Variants in MRGPRX4 observed in about 807,000 individuals in gnomAD.
The protein encoded by MRGPRX4 is mas-related G protein-coupled receptor member X4.
Under a neutral mutation model 17.8 loss-of-function variants are expected in MRGPRX4, and 13 were observed. That is an observed-to-expected ratio of 0.73 (90% CI 0.48 to 1.16). The LOEUF is 1.16. Among genes scored for constraint, MRGPRX4 ranks in the 50% most tolerant of loss-of-function variants. MRGPRX4 has a pLI of 0.00. For missense variants in MRGPRX4, 399 were observed against 405.0 expected (o/e 0.99, Z 0.13); for synonymous variants, 192 against 175.3 (o/e 1.10, Z -0.75).
At position 18,173,680 on chromosome 11, in the gene MRGPRX4, G is replaced by A. The variant is rs78287429; in HGVS notation, c.424G>A (p.Val142Met). 9,378 of 1,614,094 alleles carry A rather than the reference G, an allele frequency of 5.8e-3. 507 individuals carry two copies. In the African/African-American group the frequency reaches 0.11, roughly 19 times the overall value. ...CRRPTHLSAV[V>M]CVLLWGLSLL... ...CCGCCCCACACACCTGTCAGCGGTC[G>A]TGTGTGTCCTGCTCTGGGGCCTGTC... The change falls in exon 1 of 1, where the codon GTG becomes ATG. Residue 142 changes from valine (V) to methionine (M), a missense_variant. By Grantham distance (21) the Val-to-Met change is conservative. Transcript: ENST00000314254.
chr11:18,173,817 A>T lies in MRGPRX4; in HGVS notation c.561A>T (p.Leu187Phe), dbSNP rs746984141. Residue 187 changes from leucine to phenylalanine, a missense_variant, in exon 1 of 1, where the codon TTA becomes TTT. Physicochemically the swap from Leu to Phe is conservative, Grantham distance 22 (BLOSUM62 0). Coordinates refer to ENST00000314254, the MANE Select transcript of MRGPRX4 (RefSeq NM_054032.3). ...TCCCAGTCGCGTGGCTGATTTTTTTATGTGTGGTTCTCTGTGTTTCCAGCC... is the reference window on the plus strand; with the variant it reads ...TCCCAGTCGCGTGGCTGATTTTTTTTTGTGTGGTTCTCTGTGTTTCCAGCC... ...DFIPVAWLIFLCVVLCVSSLV... is the reference protein window; with the variant it reads ...DFIPVAWLIFFCVVLCVSSLV... 1.3e-5 allele frequency: 21 copies of T among 1,613,648 alleles called. No individual in the cohort carries two copies. In the African/African-American group the frequency reaches 2.8e-4, roughly 22 times the overall value.
chr11:18,173,426 G>C lies in MRGPRX4; in HGVS notation c.170G>C (p.Arg57Pro). 6.2e-7 allele frequency: 1 copy of C among 1,614,168 alleles called. No homozygotes were observed. Among genetic ancestry groups the C allele is most frequent in the Non-Finnish European group, 8.5e-7 (1 of 1,180,026 alleles). Residue 57 changes from arginine to proline, a missense_variant, in exon 1 of 1, where the codon CGC becomes CCC. Arg to Pro is a moderately radical substitution (Grantham distance 103). Coordinates refer to ENST00000314254, the MANE Select transcript of MRGPRX4 (RefSeq NM_054032.3). ...CTCTGGCTCCTGGGCTACCGCATGCGCAGGAACGCTGTCTCCATCTACATC... is the reference window on the plus strand; with the variant it reads ...CTCTGGCTCCTGGGCTACCGCATGCCCAGGAACGCTGTCTCCATCTACATC... ...VVLWLLGYRM[R>P]RNAVSIYILN... is the part of the protein sequence containing the mutation.
rs780943355 is a variant in MRGPRX4, at chr11:18,174,261, T to C, written c.*36T>C. 1 of 1,583,784 alleles carries C rather than the reference T, an allele frequency of 6.3e-7. No homozygotes were observed. The highest frequency in any genetic ancestry group is 1.8e-5 in the Admixed American group (1 of 55,332). On this transcript the variant is annotated 3_prime_UTR_variant, in exon 1 of 1. Transcript: ENST00000314254. ...CTGCCCTGTCAGTCAGACGGGACTT[T>C]GAGAGCAACACTGTCCTGCCACCCT...
At chr11:18,173,892 CA>C in the MRGPRX4 span, 1 of 1,614,144 alleles carries the variant, frequency 6.2e-7, no homozygotes, top group Non-Finnish European at 8.5e-7. Context: ...TGCCGCTGAC[CA>C]GGCTGTACGT....
rs370145178 is a variant in MRGPRX4 at position 18,173,834 on chromosome 11, T to G, written c.578T>G (p.Val193Gly). The change falls in exon 1 of 1, where the codon GTT becomes GGT. Residue 193 changes from valine (V) to glycine (G), a missense_variant. Transcript: ENST00000314254. ...WLIFLCVVLC[V>G]SSLVLLVRIL... ...ATTTTTTTATGTGTGGTTCTCTGTG[T>G]TTCCAGCCTGGTCCTGCTGGTCAGG... 8.1e-6 allele frequency: 13 copies of G among 1,614,192 alleles called. No homozygotes were observed. Among genetic ancestry groups the G allele is most frequent in the Middle Eastern group, 1.6e-4 (1 of 6,062 alleles).
chr11:18,173,437 G>A lies in MRGPRX4; in HGVS notation c.181G>A (p.Val61Ile). The A allele has an allele frequency of 6.2e-7, 1 of 1,614,208 alleles. No homozygotes were observed. The highest frequency in any genetic ancestry group is 2.2e-5 in the East Asian group (1 of 44,888). The change falls in exon 1 of 1, where the codon GTC becomes ATC. Residue 61 changes from valine (V) to isoleucine (I), a missense_variant. Transcript: ENST00000314254. ...LLGYRMRRNAVSIYILNLAAA... is the reference protein window; with the variant it reads ...LLGYRMRRNAISIYILNLAAA... ...GGGCTACCGCATGCGCAGGAACGCT[G>A]TCTCCATCTACATCCTCAACCTGGC...
In MRGPRX4 at chr11:18,174,201, G is replaced by A; in HGVS notation, c.945G>A (p.Leu315=). The change falls in exon 1 of 1, where the codon CTG becomes CTA. Residue 315 remains leucine (L), a synonymous_variant. Coordinates refer to ENST00000314254, the MANE Select transcript of MRGPRX4 (RefSeq NM_054032.3). The stretch of plus-strand genomic sequence containing the variant: ...AGCTTCCTGAGGAAAGCCTGGAGCT[G>A]TCGGGAAGCAGATTGGGGCCATGAG... ...EGQLPEESLE[L]SGSRLGP The A allele has an allele frequency of 4.3e-6, 7 of 1,613,448 alleles. 1 individual carries two copies. The South Asian group carries it at 5.5e-5, about 13-fold the overall frequency.
rs765394553 is a variant in MRGPRX4, at chr11:18,174,029, T to C, written c.773T>C (p.Met258Thr). 9.3e-6 allele frequency: 15 copies of C among 1,614,132 alleles called. No homozygotes were observed. Among genetic ancestry groups the C allele is most frequent in the African/African-American group, 2.7e-5 (2 of 74,930 alleles). Residue 258 changes from methionine to threonine, a missense_variant, in exon 1 of 1, where the codon ATG (methionine) becomes ACG (threonine). Physicochemically the swap from Met to Thr is moderately conservative, Grantham distance 81. Transcript: ENST00000314254. ...TATTGTCATGTTTATCTGGTTTGCATGTCCCTGTCCTCTCTAAACAGTAGT... is the reference window on the plus strand; with the variant it reads ...TATTGTCATGTTTATCTGGTTTGCACGTCCCTGTCCTCTCTAAACAGTAGT... ...VLYCHVYLVCMSLSSLNSSAN... is the reference protein window; with the variant it reads ...VLYCHVYLVCTSLSSLNSSAN...
At position 18,173,586 on chromosome 11, in the gene MRGPRX4, G is replaced by A. The variant is rs776677522; in HGVS notation, c.330G>A (p.Leu110=). The A allele has an allele frequency of 1.9e-5, 31 of 1,614,034 alleles. No homozygotes were observed. The South Asian group carries it at 2.6e-4, about 14-fold the overall frequency. ...SVMTFPYFTG[L]SMLSAISTER... ...TGACCTTTCCCTACTTTACAGGCCT[G>A]AGTATGCTGAGCGCCATCAGCACCG... The change falls in exon 1 of 1, where the codon CTG becomes CTA. Residue 110 remains leucine, a synonymous_variant. Coordinates refer to ENST00000314254, the MANE Select transcript of MRGPRX4 (RefSeq NM_054032.3).
chr11:18,174,230 G>C lies in MRGPRX4; in HGVS notation c.*5G>C, dbSNP rs765251354. 13 of 1,609,078 alleles carry C rather than the reference G, an allele frequency of 8.1e-6. No individual in the cohort carries two copies. In the East Asian group the frequency reaches 2.9e-4, roughly 36 times the overall value. ...GGAAGCAGATTGGGGCCATGAGGGA[G>C]AGCCTCTGCCCTGTCAGTCAGACGG... On this transcript the variant is annotated 3_prime_UTR_variant, in exon 1 of 1. Coordinates refer to ENST00000314254, the MANE Select transcript of MRGPRX4 (RefSeq NM_054032.3).
Position 18,173,234 on chromosome 11 carries a change from G to T in MRGPRX4, c.-23G>T, listed in dbSNP as rs1278182134. 2 of 1,567,180 alleles carry T rather than the reference G, an allele frequency of 1.3e-6. No homozygotes were observed. Among genetic ancestry groups the T allele is most frequent in the Non-Finnish European group, 1.7e-6 (2 of 1,156,086 alleles). On this transcript the variant is annotated 5_prime_UTR_variant, in exon 1 of 1. Coordinates refer to ENST00000314254, the MANE Select transcript of MRGPRX4 (RefSeq NM_054032.3). Reference sequence around the variant, plus strand: ...TCACATCTGGTTTGTGTTCCCAGGGGCACCAGACTAGGGTTTCTGAGCATG... The same window carrying T: ...TCACATCTGGTTTGTGTTCCCAGGGTCACCAGACTAGGGTTTCTGAGCATG...
Position 18,173,276 on chromosome 11 carries a change from T to C in MRGPRX4, c.20T>C (p.Val7Ala), listed in dbSNP as rs576927537. 9 of 1,606,364 alleles carry C rather than the reference T, an allele frequency of 5.6e-6. 1 individual carries two copies. In the South Asian group the frequency reaches 8.9e-5, roughly 16 times the overall value. ...CTGAGCATGGATCCAACCGTCCCAGTCTTCGGTACAAAACTGACACCAATC... is the reference window on the plus strand; with the variant it reads ...CTGAGCATGGATCCAACCGTCCCAGCCTTCGGTACAAAACTGACACCAATC... MDPTVPVFGTKLTPING... is the reference protein window; with the variant it reads MDPTVPAFGTKLTPING... The change falls in exon 1 of 1, where the codon GTC becomes GCC. Residue 7 changes from valine (V) to alanine (A), a missense_variant. Coordinates refer to ENST00000314254, the MANE Select transcript of MRGPRX4 (RefSeq NM_054032.3).
Position 18,173,204 on chromosome 11 carries a change from GGT to G in MRGPRX4, c.-51_-50del. On this transcript the variant is annotated 5_prime_UTR_variant, in exon 1 of 1. It introduces an in-frame stop codon into an upstream open reading frame of the 5' UTR. Coordinates refer to ENST00000314254, the MANE Select transcript of MRGPRX4 (RefSeq NM_054032.3). ...GGGGAGAATCAGAGATGATACAGCT[GGT>G]GATCACATCTGGTTTGTGTTCCCAG... 1 of 1,536,962 alleles carries G rather than the reference GGT, an allele frequency of 6.5e-7. No homozygotes were observed. The highest frequency in any genetic ancestry group is 8.8e-7 in the Non-Finnish European group (1 of 1,141,666).
rs1249404382 is a variant in MRGPRX4, at chr11:18,172,918, G to A, written c.-339G>A. ...TGTATCTGAATTCCTCCACCTGAAA[G>A]AAAATTTCAGACCCAGGATAGATTA... On this transcript the variant is annotated 5_prime_UTR_variant, in exon 1 of 1. Transcript: ENST00000314254. 4.4e-6 allele frequency: 1 copy of A among 228,500 alleles called. No homozygotes were observed. The highest frequency in any genetic ancestry group is 8.5e-6 in the Non-Finnish European group (1 of 117,390). 14.2% of individuals were successfully genotyped at this position (228,500 alleles called of 1,614,324 possible). A position where few individuals can be genotyped will look rare whatever the true frequency, so the allele number is the denominator to read the frequency against.
rs1189989237 is a variant in MRGPRX4 at position 18,173,640 on chromosome 11, C to G, written c.384C>G (p.Ile128Met). The stretch of plus-strand genomic sequence containing the variant: ...GCTGCCTGTCTGTTCTGTGGCCCAT[C>G]TGGTACCGCTGCCGCCGCCCCACAC... Reference protein sequence around the residue: ...TERCLSVLWPIWYRCRRPTHL... With the variant: ...TERCLSVLWPMWYRCRRPTHL... Residue 128 changes from isoleucine (I) to methionine (M), a missense_variant, in exon 1 of 1, where the codon ATC becomes ATG. By Grantham distance (10) the Ile-to-Met change is conservative (BLOSUM62 1). Transcript: ENST00000314254. The G allele has an allele frequency of 6.2e-7, 1 of 1,614,058 alleles. No homozygotes were observed. Among genetic ancestry groups the G allele is most frequent in the Admixed American group, 1.7e-5 (1 of 60,008 alleles).
chr11:18,173,574 C>G, the MRGPRX4 span: 2 of 1,614,170 alleles, frequency 1.2e-6, no homozygotes, highest in East Asian at 4.5e-5. Flanking sequence ...CCTTTCCCTA[C>G]TTTACAGGCC....
chr11:18,173,462 C>T lies in MRGPRX4; in HGVS notation c.206C>T (p.Ala69Val), dbSNP rs778274203. Residue 69 changes from alanine (A) to valine (V), a missense_variant, in exon 1 of 1, where the codon GCC becomes GTC. By Grantham distance (64) the Ala-to-Val change is moderately conservative. Transcript: ENST00000314254. The stretch of plus-strand genomic sequence containing the variant: ...GTCTCCATCTACATCCTCAACCTGG[C>T]CGCAGCAGACTTCCTCTTCCTCAGC... Reference protein sequence around the residue: ...NAVSIYILNLAAADFLFLSFQ... With the variant: ...NAVSIYILNLVAADFLFLSFQ... The T allele has an allele frequency of 3.7e-5, 60 of 1,614,086 alleles. 1 individual carries two copies. The highest frequency in any genetic ancestry group is 4.5e-5 in the East Asian group (2 of 44,904).
At chr11:18,173,405 G>A in the MRGPRX4 span, 1 of 1,614,042 alleles carries the variant, frequency 6.2e-7, no homozygotes, top group African/African-American at 1.3e-5. Context: ...GTTGTGCTCT[G>A]GCTCCTGGGC....
At position 18,173,236 on chromosome 11, in the gene MRGPRX4, A is replaced by G. The variant is rs750732470; in HGVS notation, c.-21A>G. ...ACATCTGGTTTGTGTTCCCAGGGGC[A>G]CCAGACTAGGGTTTCTGAGCATGGA... On this transcript the variant is annotated 5_prime_UTR_variant, in exon 1 of 1. Transcript: ENST00000314254. 8 of 1,569,046 alleles carry G rather than the reference A, an allele frequency of 5.1e-6. No homozygotes were observed. The highest frequency in any genetic ancestry group is 6.0e-6 in the Non-Finnish European group (7 of 1,157,060).
Sources: allele counts gnomAD v4.1 joint callset, GRCh38; gene constraint gnomAD v4.1.1; transcripts MANE v1.5; gene names NCBI Gene and HGNC (gene_info 2026-07-23, HGNC 2026-07-21).